ACYP2: variants seen among roughly 807,000 people sequenced by gnomAD.
ACYP2 encodes acylphosphatase 2, also known as acylphosphatase-2.
A neutral mutation model predicts 11.2 loss-of-function variants in ACYP2; 12 were observed. That is an observed-to-expected ratio of 1.08 (90% CI 0.69 to 1.74). The LOEUF is 1.74. Among genes scored for constraint, ACYP2 ranks in the 40% most tolerant of loss-of-function variants. The pLI is 0.00. For missense variants in ACYP2, 134 were observed against 101.9 expected, an observed-to-expected ratio of 1.31 and a Z score of -1.35; for synonymous variants, 43 against 32.2, an observed-to-expected ratio of 1.33 and a Z score of -1.13.
chr2:54,146,097 T>A (rs1363916179), intron 6 of ACYP2, among the ~76,000 whole-genome samples: 2 of 152,250 alleles, frequency 1.3e-5, no homozygotes, highest in Non-Finnish European at 2.9e-5. Flanking sequence ...CATGCCTTCA[T>A]TTACCCTTGT....
At chr2:54,088,372 C>A (rs1030777896) in intron 4 of ACYP2, among the ~76,000 whole-genome samples, 2 of 152,152 alleles carry the variant, frequency 1.3e-5, no homozygotes. Context: ...GGTCACAGGC[C>A]ACTGTCCCTC....
chr2:54,245,099 T>G (rs955769548), intron 6 of ACYP2, among the ~76,000 whole-genome samples: 3 of 152,178 alleles, frequency 2.0e-5, no homozygotes, highest in African/African-American at 7.2e-5. Flanking sequence ...TTGGCTTTTT[T>G]TTTAGCTCGT....
intron 2 of ACYP2, among the ~76,000 whole-genome samples, chr2:54,006,088 T>A (rs539373964): frequency 6.6e-6 from 1 of 152,246 alleles, no homozygotes; most frequent in Non-Finnish European, 1.5e-5. Context: ...GGATCAAGTG[T>A]TCCTCCCACC....
rs552305661 is a variant in ACYP2, at chr2:54,052,198, T to C, written c.155+1148T>C. Among the ~76,000 whole-genome samples the C allele has an allele frequency of 2.0e-5, 3 of 152,246 alleles. No individual in the cohort carries two copies. In the South Asian group the frequency reaches 6.2e-4, roughly 32 times the overall value. Reference sequence around the variant, plus strand: ...AGTTTTTTTTCTTATCTATAAAGCATTTAAGCCCCTTGTACACAACTCATT... The same window carrying C: ...AGTTTTTTTTCTTATCTATAAAGCACTTAAGCCCCTTGTACACAACTCATT... On this transcript the variant is annotated intron_variant, in intron 3 of 6. Coordinates refer to ENST00000607452, the MANE Select transcript of ACYP2 (RefSeq NM_001320586.2).
intron 4 of ACYP2, among the ~76,000 whole-genome samples, chr2:54,061,961 C>G (rs1676491667): frequency 6.6e-6 from 1 of 152,110 alleles, no homozygotes; most frequent in South Asian, 2.1e-4. Context: ...ACAACTGTGC[C>G]AGGCCTGTAA....
chr2:54,123,190 A>T, intron 4 of ACYP2: 1 of 395,388 alleles, frequency 2.5e-6, no homozygotes, highest in Non-Finnish European at 4.5e-6. Context: ...CACACTAATG[A>T]TACGCCTCCT....
intron 6 of ACYP2, among the ~76,000 whole-genome samples, chr2:54,297,202 G>T (rs1230788250): frequency 6.8e-6 from 1 of 147,914 alleles, no homozygotes; most frequent in African/African-American, 2.7e-5. Flanking sequence ...TAAGAAATTT[G>T]AAATTATCTG....
chr2:54,228,468 A>C (rs1448813330), intron 6 of ACYP2, among the ~76,000 whole-genome samples: 1 of 152,192 alleles, frequency 6.6e-6, no homozygotes, highest in African/African-American at 2.4e-5. Flanking sequence ...AAACTTACTT[A>C]AGGTCATACG....
intron 2 of ACYP2, among the ~76,000 whole-genome samples, chr2:53,989,599 C>T (rs1672191118): frequency 6.6e-6 from 1 of 152,298 alleles, no homozygotes; most frequent in South Asian, 2.1e-4. Context: ...GAAGTAGGCT[C>T]TGACCTCTAA....
chr2:54,173,390 G>C (rs917645145), intron 6 of ACYP2, among the ~76,000 whole-genome samples: 1 of 151,906 alleles, frequency 6.6e-6, no homozygotes, highest in Non-Finnish European at 1.5e-5. Flanking sequence ...TTTTGATGGG[G>C]TTGTTTTTTT....
chr2:54,252,314 G>A (rs1282001220), intron 6 of ACYP2, among the ~76,000 whole-genome samples: 3 of 151,908 alleles, frequency 2.0e-5, no homozygotes, highest in Non-Finnish European at 4.4e-5. Context: ...CACTATTGAT[G>A]GACATTAGGG....
chr2:54,231,084 G>T (rs1686217043), intron 6 of ACYP2, among the ~76,000 whole-genome samples: 1 of 152,072 alleles, frequency 6.6e-6, no homozygotes, highest in African/African-American at 2.4e-5. Context: ...GCCTGCCTCG[G>T]CCTCCCAAAG....
chr2:54,036,136 C>A (rs1674887967), intron 2 of ACYP2, among the ~76,000 whole-genome samples: 1 of 152,100 alleles, frequency 6.6e-6, no homozygotes, highest in Non-Finnish European at 1.5e-5. Context: ...GCTCTGTCAC[C>A]CAGACTGGAG....
At chr2:54,147,077 T>A (rs1681929188) in intron 6 of ACYP2, among the ~76,000 whole-genome samples, 1 of 152,198 alleles carries the variant, frequency 6.6e-6, no homozygotes, top group Non-Finnish European at 1.5e-5. Flanking sequence ...ATTATAGGTG[T>A]GAGCCACCGT....
chr2:53,990,786 T>G (rs561800331), intron 2 of ACYP2, among the ~76,000 whole-genome samples: 258 of 147,604 alleles, frequency 1.7e-3, no homozygotes, highest in Non-Finnish European at 2.4e-3. Context: ...AGAATTTGCG[T>G]TTTTTTTTTG....
At chr2:54,040,188 T>TG (rs1388729932) in intron 2 of ACYP2, among the ~76,000 whole-genome samples, 1 of 152,092 alleles carries the variant, frequency 6.6e-6, no homozygotes, top group African/African-American at 2.4e-5. Context: ...ACAGATCTGC[T>TG]GATAGGTCAG....
chr2:54,252,731 C>A (rs1297535125), intron 6 of ACYP2, among the ~76,000 whole-genome samples: 1 of 151,928 alleles, frequency 6.6e-6, no homozygotes, highest in Admixed American at 6.6e-5. Flanking sequence ...GGTGAAACCC[C>A]GTCTCTCCTA....
intron 2 of ACYP2, among the ~76,000 whole-genome samples, chr2:54,008,998 CA>C (rs1326744372): frequency 6.7e-6 from 1 of 150,104 alleles, no homozygotes; most frequent in Non-Finnish European, 1.5e-5. Flanking sequence ...ACTAAAAATA[CA>C]AAAATTAGCC....
chr2:54,227,889 G>C (rs760066581), intron 6 of ACYP2, among the ~76,000 whole-genome samples: 42 of 152,170 alleles, frequency 2.8e-4, no homozygotes, highest in Non-Finnish European at 5.3e-4. Context: ...GAATGGACAA[G>C]ACCAGTACTC....
Sources: allele counts gnomAD v4.1 joint callset (sites outside exome capture counted in the v4.1 genomes callset), GRCh38; gene constraint gnomAD v4.1.1; transcripts MANE v1.5; gene names NCBI Gene and HGNC (gene_info 2026-07-23, HGNC 2026-07-21).